ETV1: variants seen among roughly 807,000 people sequenced by gnomAD.
ETV1 encodes the protein ETS variant transcription factor 1, also known as ETS translocation variant 1.
Under a neutral mutation model 62.3 loss-of-function variants are expected in ETV1, and 27 were observed. The ratio of observed to expected loss-of-function variants is 0.43; its 90% CI spans 0.32 to 0.60. The LOEUF (loss-of-function observed/expected upper bound fraction) is 0.60, where lower values mean the gene tolerates loss of function less well. Ranked by LOEUF, ETV1 falls within the 20% of genes least tolerant of loss-of-function variation. The pLI is 0.06. For missense variants in ETV1, 605 were observed against 605.8 expected, an observed-to-expected ratio of 1.00 and a Z score of 0.01; for synonymous variants, 222 against 199.6, an observed-to-expected ratio of 1.11 and a Z score of -0.94.
intron 4 of ETV1, among the ~76,000 whole-genome samples, 183 bp downstream of exon 4, chr7:13,987,903 C>G (rs1782692025): frequency 6.6e-6 from 1 of 152,112 alleles, no homozygotes; most frequent in South Asian, 2.1e-4. Flanking sequence ...TGTGATAGGA[C>G]CATAAAATAG....
intron 5 of ETV1, chr7:13,986,043 G>A: frequency 8.2e-7 from 1 of 1,217,702 alleles, no homozygotes; most frequent in Non-Finnish European, 1.2e-6. Flanking sequence ...GTAACACATG[G>A]AAAACATTTT....
At position 13,973,918 on chromosome 7, in the gene ETV1, A is replaced by C. The variant is rs1258612350; in HGVS notation, c.235+3509T>G. Among the ~76,000 whole-genome samples, 4 of 152,176 alleles carry C rather than the reference A, an allele frequency of 2.6e-5. No individual in the cohort carries two copies. In the South Asian group the frequency reaches 6.2e-4, roughly 24 times the overall value. ...ACGAATTAAGACTCTGAAGATGCTTAGGAGGAAATAAGCACTAAGAAGGTG... is the reference window on the plus strand; with the variant it reads ...ACGAATTAAGACTCTGAAGATGCTTCGGAGGAAATAAGCACTAAGAAGGTG... On this transcript the variant is annotated intron_variant, in intron 6 of 13. Transcript: ENST00000430479.
intron 9 of ETV1, among the ~76,000 whole-genome samples, chr7:13,916,625 A>G (rs1466461217): frequency 3.3e-5 from 5 of 151,522 alleles, no homozygotes; most frequent in Non-Finnish European, 7.4e-5. Flanking sequence ...ACAGAGTGAG[A>G]CTCCATCTCA....
chr7:13,963,674 A>G (rs754858701), intron 6 of ETV1, among the ~76,000 whole-genome samples: 5 of 152,156 alleles, frequency 3.3e-5, no homozygotes, highest in Non-Finnish European at 7.3e-5. Flanking sequence ...AGATGTTTGT[A>G]TATATTAGCC....
intron 8 of ETV1, among the ~76,000 whole-genome samples, chr7:13,932,219 AAACC>A (rs1786269579): frequency 6.6e-6 from 1 of 152,200 alleles, no homozygotes; most frequent in Non-Finnish European, 1.5e-5. Context: ...AATAAACAAA[AAACC>A]AACCAACCAA....
chr7:13,923,003 G>C (rs1312097731), intron 9 of ETV1, among the ~76,000 whole-genome samples: 1 of 152,190 alleles, frequency 6.6e-6, no homozygotes, highest in Admixed American at 6.5e-5. Flanking sequence ...GATATTGCTA[G>C]ATGAGTAGTA....
chr7:13,956,944 GATT>G (rs1219104162), intron 6 of ETV1, among the ~76,000 whole-genome samples: 1 of 152,086 alleles, frequency 6.6e-6, no homozygotes, highest in East Asian at 1.9e-4. Context: ...ATTAAGATGT[GATT>G]ATTAAGGTGG....
At chr7:13,967,177 A>G (rs1780378160) in intron 6 of ETV1, among the ~76,000 whole-genome samples, 1 of 152,184 alleles carries the variant, frequency 6.6e-6, no homozygotes, top group African/African-American at 2.4e-5. Context: ...AGAAATGTGA[A>G]TACAAGATTC....
At chr7:13,912,843 G>A (rs1028275612) in intron 9 of ETV1, among the ~76,000 whole-genome samples, 3 of 152,162 alleles carry the variant, frequency 2.0e-5, no homozygotes, top group African/African-American at 7.2e-5. Context: ...AGTGATATCA[G>A]TTAATTTATG....
In ETV1 at chr7:13,911,339, G is replaced by C. The variant is rs372432916; in HGVS notation, c.803-32C>G. ...GAGGAAACAATATTGGTCAAAAAGA[G>C]TCTGGAGCTGAAACGCTGCGGTTAT... On this transcript the variant is annotated intron_variant, in intron 9 of 13. Coordinates refer to ENST00000430479, the MANE Select transcript of ETV1 (RefSeq NM_004956.5). 2.7e-6 allele frequency: 4 copies of C among 1,507,948 alleles called. No homozygotes were observed. In the African/African-American group the frequency reaches 5.5e-5, roughly 21 times the overall value. 93.4% of individuals were successfully genotyped at this position (1,507,948 alleles called of 1,614,324 possible).
At chr7:13,917,523 A>C (rs1784316482) in intron 9 of ETV1, among the ~76,000 whole-genome samples, 1 of 151,822 alleles carries the variant, frequency 6.6e-6, no homozygotes, top group Admixed American at 6.6e-5. Context: ...CACTATCTTA[A>C]GTCAGGCTGG....
intron 6 of ETV1, among the ~76,000 whole-genome samples, chr7:13,949,432 A>G (rs1788542317): frequency 6.6e-6 from 1 of 152,206 alleles, no homozygotes; most frequent in Non-Finnish European, 1.5e-5. Context: ...ATAAATAAAG[A>G]CAATGGTGTC....
rs77923443 is a variant in ETV1, at chr7:13,914,618, T to TA, written c.803-3312dup. 2.6e-3 allele frequency among the ~76,000 whole-genome samples: 313 copies of TA among 118,968 alleles called. 1 individual carries two copies. Among genetic ancestry groups the TA allele is most frequent in the East Asian group, 7.4e-3 (31 of 4,212 alleles). 78.0% of individuals were successfully genotyped at this position (118,968 alleles called of 152,430 possible). On this transcript the variant is annotated intron_variant, in intron 9 of 13. Coordinates refer to ENST00000430479, the MANE Select transcript of ETV1 (RefSeq NM_004956.5). ...AAATTAAAATACGCAGACAAGAAAC[T>TA]AAAAAAAAAAAAAAAAAAAGTTACC... is the stretch of plus-strand genomic sequence containing the variant.
At chr7:13,965,373 G>A (rs1217050776) in intron 6 of ETV1, among the ~76,000 whole-genome samples, 1 of 152,082 alleles carries the variant, frequency 6.6e-6, no homozygotes, top group East Asian at 1.9e-4. Context: ...GGTGCTCTTG[G>A]TCTCTCTTCA....
chr7:13,906,726 T>C (rs1455482541), intron 11 of ETV1, 127 bp from the exon 12 acceptor site: 1 of 619,574 alleles, frequency 1.6e-6, no homozygotes, highest in African/African-American at 1.9e-5. Context: ...TTATGAAATA[T>C]ATTATTACCA....
At chr7:13,971,821 G>C (rs1780932289) in intron 6 of ETV1, among the ~76,000 whole-genome samples, 3 of 152,154 alleles carry the variant, frequency 2.0e-5, no homozygotes, top group Middle Eastern at 6.8e-3. Context: ...AAAGATGAAT[G>C]ATATAACGGC....
Position 13,892,162 on chromosome 7 carries a change from T to C in ETV1, c.*3704A>G, listed in dbSNP as rs545995087. 2.3e-4 allele frequency: 54 copies of C among 232,470 alleles called. No homozygotes were observed. The highest frequency in any genetic ancestry group is 1.8e-4 in the Non-Finnish European group (21 of 117,604). 14.4% of individuals were successfully genotyped at this position (232,470 alleles called of 1,614,324 possible). On this transcript the variant is annotated 3_prime_UTR_variant, in exon 14 of 14. Coordinates refer to ENST00000430479, the MANE Select transcript of ETV1 (RefSeq NM_004956.5). Reference sequence around the variant, plus strand: ...ATCACTAGCAAATGATAAGATCACATAGTAACCCATATTAACACCAAAAGA... The same window carrying C: ...ATCACTAGCAAATGATAAGATCACACAGTAACCCATATTAACACCAAAAGA...
intron 10 of ETV1, 28 bp from the exon 11 acceptor site, chr7:13,909,728 T>A: frequency 6.4e-7 from 1 of 1,569,354 alleles, no homozygotes; most frequent in Non-Finnish European, 8.8e-7. Context: ...ATACATTTAT[T>A]CATGATAGAA....
At chr7:13,958,042 C>A (rs142400955) in intron 6 of ETV1, among the ~76,000 whole-genome samples, 1 of 152,288 alleles carries the variant, frequency 6.6e-6, no homozygotes, top group African/African-American at 2.4e-5. Flanking sequence ...CCATACAAGG[C>A]ATACATAAAT....
Sources: allele counts gnomAD v4.1 joint callset (sites outside exome capture counted in the v4.1 genomes callset), GRCh38; gene constraint gnomAD v4.1.1; transcripts MANE v1.5; gene names NCBI Gene and HGNC (gene_info 2026-07-23, HGNC 2026-07-21).